Variants in ZFAND6 observed in about 807,000 individuals in gnomAD.
ZFAND6 encodes the protein AN1-type zinc finger protein 6.
Under a neutral mutation model 24.5 loss-of-function variants are expected in ZFAND6, and 12 were observed. The observed-to-expected ratio is 0.49, with a 90% CI of 0.31 to 0.79. The LOEUF (loss-of-function observed/expected upper bound fraction) is 0.79. Among genes scored for constraint, ZFAND6 ranks in the 30% least tolerant of loss-of-function variants. The probability of loss-of-function intolerance (pLI) is 0.04; values close to 1 mark genes in which losing one functional copy is unlikely to be tolerated. For synonymous variants in ZFAND6, 92 were observed against 81.5 expected, an observed-to-expected ratio of 1.13 and a Z score of -0.69; for missense variants, 207 against 245.9, an observed-to-expected ratio of 0.84 and a Z score of 1.06.
At chr15:80,117,938 A>G (rs2039958625) in intron 2 of ZFAND6, among the ~76,000 whole-genome samples, 1 of 152,080 alleles carries the variant, frequency 6.6e-6, no homozygotes, top group African/African-American at 2.4e-5. Context: ...TGACCTCTAT[A>G]GGGGTATGTG....
At chr15:80,115,401 T>C (rs968724690) in intron 2 of ZFAND6, among the ~76,000 whole-genome samples, 4 of 152,176 alleles carry the variant, frequency 2.6e-5, no homozygotes, top group Non-Finnish European at 4.4e-5. Flanking sequence ...TGTCTCTGGA[T>C]TTGTGGTTTT....
At chr15:80,121,844 A>G in intron 4 of ZFAND6, 24 bp downstream of exon 4, 1 of 1,572,170 alleles carries the variant, frequency 6.4e-7, no homozygotes, top group Non-Finnish European at 8.7e-7. Flanking sequence ...TCTGAATTCT[A>G]ATGAGAATGC....
chr15:80,096,280 G>A (rs1253114108), intron 1 of ZFAND6, among the ~76,000 whole-genome samples: 2 of 152,148 alleles, frequency 1.3e-5, no homozygotes, highest in Non-Finnish European at 2.9e-5. Flanking sequence ...TATGCAGAAA[G>A]CATGCTTCTG....
At chr15:80,073,176 T>C (rs182275756) in intron 1 of ZFAND6, 1 of 177,966 alleles carries the variant, frequency 5.6e-6, no homozygotes. Context: ...GCTTATAATT[T>C]TTAATATGCT....
chr15:80,062,157 C>T (rs1357103231), intron 1 of ZFAND6, among the ~76,000 whole-genome samples: 1 of 152,168 alleles, frequency 6.6e-6, no homozygotes, highest in East Asian at 1.9e-4. Flanking sequence ...TAATCTCTAG[C>T]AAATTACTTA....
intron 1 of ZFAND6, among the ~76,000 whole-genome samples, chr15:80,060,988 C>A (rs570580508): frequency 6.6e-6 from 1 of 152,046 alleles, no homozygotes; most frequent in Non-Finnish European, 1.5e-5. Flanking sequence ...TCTTTCAAAC[C>A]GAAATCGGAA....
chr15:80,106,980 AG>A (rs765971167), intron 2 of ZFAND6, among the ~76,000 whole-genome samples: 22 of 152,314 alleles, frequency 1.4e-4, no homozygotes, highest in Non-Finnish European at 3.1e-4. Context: ...TGGGAGGCTG[AG>A]GTGGGTGGAT....
At chr15:80,107,179 C>T (rs949233146) in intron 2 of ZFAND6, among the ~76,000 whole-genome samples, 6 of 152,186 alleles carry the variant, frequency 3.9e-5, no homozygotes, top group East Asian at 3.9e-4. Flanking sequence ...TGCGCCACTG[C>T]GCTCCAGCCT....
At chr15:80,070,273 GA>G (rs2036899819) in intron 1 of ZFAND6, among the ~76,000 whole-genome samples, 1 of 152,122 alleles carries the variant, frequency 6.6e-6, no homozygotes. Flanking sequence ...TAAGATTTGG[GA>G]AACTTTCTGG....
chr15:80,121,081 A>G (rs1214000830), intron 3 of ZFAND6, among the ~76,000 whole-genome samples: 1 of 152,196 alleles, frequency 6.6e-6, no homozygotes, highest in African/African-American at 2.4e-5. Flanking sequence ...AAGCTTTGCA[A>G]AAAGGAAAGT....
At chr15:80,085,252 G>A (rs1567061251) in intron 1 of ZFAND6, among the ~76,000 whole-genome samples, 1 of 152,070 alleles carries the variant, frequency 6.6e-6, no homozygotes, top group South Asian at 2.1e-4. Flanking sequence ...TTTTGTACGT[G>A]GTTTAAGTTC....
chr15:80,124,958 ATG>A lies in ZFAND6; in HGVS notation c.364+2160_364+2161del, dbSNP rs1187983374. On this transcript the variant is annotated intron_variant, in intron 5 of 6. Transcript: ENST00000261749. ...ATTATAAACATACACAAATATAAAC[ATG>A]TATGTTTGTATATATGTACGTGTAT... Among the ~76,000 whole-genome samples the A allele has an allele frequency of 3.9e-5, 6 of 152,310 alleles. No individual in the cohort carries two copies. In the South Asian group the frequency reaches 1.0e-3, roughly 26 times the overall value.
intron 1 of ZFAND6, among the ~76,000 whole-genome samples, chr15:80,089,259 G>GTGTTT (rs1339204666): frequency 1.6e-5 from 1 of 61,098 alleles, no homozygotes; most frequent in African/African-American, 6.8e-5. Context: ...GAGTGTGTGT[G>GTGTTT]TTTTTTTTTT....
chr15:80,128,185 A>G (rs2040451747), intron 5 of ZFAND6, among the ~76,000 whole-genome samples: 1 of 152,230 alleles, frequency 6.6e-6, no homozygotes, highest in Admixed American at 6.5e-5. Flanking sequence ...GTGGGGAGTA[A>G]TTGCTAATGA....
At chr15:80,117,165 C>A (rs114698175) in intron 2 of ZFAND6, among the ~76,000 whole-genome samples, 1,846 of 152,038 alleles carry the variant, frequency 0.012, 29 homozygotes, top group African/African-American at 0.042. Context: ...ATAACAGATA[C>A]TATTAGATGT....
intron 5 of ZFAND6, among the ~76,000 whole-genome samples, chr15:80,124,686 G>A (rs566670899): frequency 6.6e-6 from 1 of 152,232 alleles, no homozygotes; most frequent in East Asian, 1.9e-4. Flanking sequence ...TGCCATATTA[G>A]GAGAAATTGT....
Position 80,063,626 on chromosome 15 carries a change from C to T in ZFAND6, c.-181+3817C>T, listed in dbSNP as rs2036454692. On this transcript the variant is annotated intron_variant, in intron 1 of 6. Coordinates refer to ENST00000261749, the MANE Select transcript of ZFAND6 (RefSeq NM_019006.4). ...AGGCTAGAGTGCAGTGGCACAATCT[C>T]GGCTCACAGCAACCTGGGTTCAAGC... is the stretch of plus-strand genomic sequence containing the variant. 2.7e-5 allele frequency among the ~76,000 whole-genome samples: 4 copies of T among 150,928 alleles called. No individual in the cohort carries two copies. In the Admixed American group the frequency reaches 2.7e-4, roughly 10 times the overall value.
At chr15:80,117,161 G>C (rs2039913090) in intron 2 of ZFAND6, among the ~76,000 whole-genome samples, 1 of 152,096 alleles carries the variant, frequency 6.6e-6, no homozygotes, top group Non-Finnish European at 1.5e-5. Context: ...TTTGATAACA[G>C]ATACTATTAG....
At chr15:80,081,861 G>A (rs772787315) in intron 1 of ZFAND6, among the ~76,000 whole-genome samples, 3 of 152,198 alleles carry the variant, frequency 2.0e-5, no homozygotes, top group Non-Finnish European at 2.9e-5. Flanking sequence ...ACTTGTGTTT[G>A]TTATAGATGA....
Sources: gnomAD v4.1 joint callset for allele counts (sites outside exome capture counted in the v4.1 genomes callset) on GRCh38, gnomAD v4.1.1 for gene constraint, MANE v1.5 for transcripts, NCBI Gene and HGNC (gene_info 2026-07-23, HGNC 2026-07-21) for gene names.